DPYSL5: variants seen among roughly 807,000 people sequenced by gnomAD.
The protein encoded by DPYSL5 is dihydropyrimidinase-related protein 5.
In DPYSL5, 9 loss-of-function variants were observed where a neutral mutation model predicts 58.4. The observed-to-expected ratio is 0.15, with a 90% CI of 0.09 to 0.27. The LOEUF is 0.27. Ranked by LOEUF, DPYSL5 falls within the 10% of genes least tolerant of loss-of-function variation. The pLI, the probability that DPYSL5 is intolerant of heterozygous loss-of-function variation, is 1.00. For synonymous variants in DPYSL5, 293 were observed against 301.9 expected, an observed-to-expected ratio of 0.97 and a Z score of 0.31; for missense variants, 499 against 770.6, an observed-to-expected ratio of 0.65 and a Z score of 4.17.
intron 3 of DPYSL5, among the ~76,000 whole-genome samples, chr2:26,926,132 T>C (rs1462874251): frequency 6.6e-6 from 1 of 152,254 alleles, no homozygotes; most frequent in African/African-American, 2.4e-5. Flanking sequence ...TCTCAGATGA[T>C]AACCTAAAGC....
At chr2:26,872,151 A>T (rs1451989045) in intron 1 of DPYSL5, among the ~76,000 whole-genome samples, 1 of 152,182 alleles carries the variant, frequency 6.6e-6, no homozygotes, top group East Asian at 1.9e-4. Context: ...CGTGTTCTAA[A>T]CTTTGGAGCA....
At chr2:26,871,275 T>C (rs146307161) in intron 1 of DPYSL5, among the ~76,000 whole-genome samples, 92 of 152,324 alleles carry the variant, frequency 6.0e-4, no homozygotes, top group African/African-American at 2.1e-3. Flanking sequence ...TGCTTACTTA[T>C]CCCTTCCCAT....
At chr2:26,932,123 G>GAGAA (rs1237858790) in intron 6 of DPYSL5, among the ~76,000 whole-genome samples, 2 of 106,076 alleles carry the variant, frequency 1.9e-5, no homozygotes, top group East Asian at 2.5e-4. Context: ...AAAAAAGAAA[G>GAGAA]AGAAAGAAAG....
chr2:26,946,975 A>C lies in DPYSL5; in HGVS notation c.1675A>C (p.Arg559=), dbSNP rs1665503749. The change falls in exon 13 of 13, where the codon AGG becomes CGG. Residue 559 remains arginine, a synonymous_variant. Transcript: ENST00000288699. ...SARILAPPGG[R]SSGIW ...TCGGATCCTCGCTCCTCCCGGAGGC[A>C]GGTCGAGTGGCATTTGGTAAAGGCA... is the stretch of plus-strand genomic sequence containing the variant. 1 of 1,613,558 alleles carries C rather than the reference A, an allele frequency of 6.2e-7. No homozygotes were observed. Among genetic ancestry groups the C allele is most frequent in the African/African-American group, 1.3e-5 (1 of 74,928 alleles).
In DPYSL5 at chr2:26,944,766, G is replaced by A. The variant is rs377267408; in HGVS notation, c.1551G>A (p.Arg517=). 2 of 1,614,112 alleles carry A rather than the reference G, an allele frequency of 1.2e-6. No individual in the cohort carries two copies. The highest frequency in any genetic ancestry group is 1.7e-6 in the Non-Finnish European group (2 of 1,180,008). The change falls in exon 12 of 13, where the codon CGG becomes CGA. Residue 517 remains arginine (R), a synonymous_variant. Transcript: ENST00000288699. This position sits in a 1 kb window ranked among gnomAD's most constrained non-coding sequence, Gnocchi z 4.4. ...CCCCACTCGCAGACACTCCTACCCG[G>A]CCCGTCACCCGGCATGGGGGCATGA... The part of the protein sequence containing the change: ...MGTPLADTPT[R]PVTRHGGMRD...
intron 1 of DPYSL5, among the ~76,000 whole-genome samples, chr2:26,879,426 G>C (rs1663497406): frequency 7.2e-6 from 1 of 138,472 alleles, no homozygotes; most frequent in African/African-American, 2.8e-5. Context: ...TTTGAGACCA[G>C]CCTGGACAGC....
intron 1 of DPYSL5, among the ~76,000 whole-genome samples, chr2:26,868,725 A>G (rs995748122): frequency 1.3e-5 from 2 of 152,164 alleles, no homozygotes; most frequent in Non-Finnish European, 2.9e-5. Flanking sequence ...GCATATTGTA[A>G]TATCTACTAA....
chr2:26,888,263 T>TTCTTTCTTTCTTTCTG (rs1553316449), intron 1 of DPYSL5, among the ~76,000 whole-genome samples: 1 of 130,760 alleles, frequency 7.6e-6, no homozygotes, highest in Non-Finnish European at 1.7e-5. Flanking sequence ...CTTTCTTTCT[T>TTCTTTCTTTCTTTCTG]TCTGTCTTTC....
chr2:26,867,076 C>T (rs1228451465), intron 1 of DPYSL5, among the ~76,000 whole-genome samples: 1 of 152,090 alleles, frequency 6.6e-6, no homozygotes, highest in Non-Finnish European at 1.5e-5. Flanking sequence ...TCCTACTAAA[C>T]ACCACCCGTT....
At chr2:26,932,075 AAGAAAGAAAAGAAAAAAGAAAG>A (rs1665012157) in intron 6 of DPYSL5, among the ~76,000 whole-genome samples, 1 of 111,008 alleles carries the variant, frequency 9.0e-6, no homozygotes, top group African/African-American at 3.5e-5. Context: ...GAAAGAAAGA[AAGAAAGAAAAGAAAAAAGAAAG>A]AGAAAGAAAG....
intron 1 of DPYSL5, among the ~76,000 whole-genome samples, chr2:26,858,319 G>T (rs908937833): frequency 1.3e-5 from 2 of 151,524 alleles, no homozygotes; most frequent in Non-Finnish European, 2.9e-5. Context: ...CTACAGGCAC[G>T]CGCCACCAAG....
Position 26,933,247 on chromosome 2 carries a change from C to T in DPYSL5, c.715-11C>T. On this transcript the variant is annotated splice_polypyrimidine_tract_variant and intron_variant, in intron 6 of 12. Coordinates refer to ENST00000288699, the MANE Select transcript of DPYSL5 (RefSeq NM_020134.4). The surrounding 1 kb of genome is among the most constrained non-coding windows in gnomAD (Gnocchi z 4.2). Reference sequence around the variant, plus strand: ...CAACCCTCCCTACTTCCCACTGTTTCTTGTGTTTAGACTCACTGTCCAATC... The same window carrying T: ...CAACCCTCCCTACTTCCCACTGTTTTTTGTGTTTAGACTCACTGTCCAATC... The T allele has an allele frequency of 6.2e-7, 1 of 1,613,854 alleles. No individual in the cohort carries two copies. Among genetic ancestry groups the T allele is most frequent in the Non-Finnish European group, 8.5e-7 (1 of 1,179,740 alleles).
At chr2:26,896,425 T>C (rs1355715517) in intron 1 of DPYSL5, among the ~76,000 whole-genome samples, 7 of 152,224 alleles carry the variant, frequency 4.6e-5, no homozygotes, top group Non-Finnish European at 1.0e-4. Context: ...CTGGACCATA[T>C]AGTAGTTCTA....
chr2:26,933,346 A>G lies in DPYSL5; in HGVS notation c.790+13A>G. On this transcript the variant is annotated intron_variant, in intron 7 of 12. Coordinates refer to ENST00000288699, the MANE Select transcript of DPYSL5 (RefSeq NM_020134.4). The surrounding 1 kb of genome is among the most constrained non-coding windows in gnomAD (Gnocchi z 4.2). Reference sequence around the variant, plus strand: ...GCTAAGATGCAAGGTGAGTCCATAGACTTGGCTGGACAGAGCAGGTCAAGT... The same window carrying G: ...GCTAAGATGCAAGGTGAGTCCATAGGCTTGGCTGGACAGAGCAGGTCAAGT... The G allele has an allele frequency of 1.2e-6, 2 of 1,612,996 alleles. No individual in the cohort carries two copies. Among genetic ancestry groups the G allele is most frequent in the Non-Finnish European group, 8.5e-7 (1 of 1,179,312 alleles).
At chr2:26,869,069 A>G (rs1457828871) in intron 1 of DPYSL5, among the ~76,000 whole-genome samples, 1 of 152,136 alleles carries the variant, frequency 6.6e-6, no homozygotes, top group Admixed American at 6.5e-5. Flanking sequence ...GGCTCAAGCG[A>G]TCCTCCTACC....
In DPYSL5 at chr2:26,927,574, T is replaced by A; in HGVS notation, c.600+142T>A. On this transcript the variant is annotated intron_variant, in intron 4 of 12. Transcript: ENST00000288699. The surrounding 1 kb of genome is among the most constrained non-coding windows in gnomAD (Gnocchi z 4.3). Reference sequence around the variant, plus strand: ...AAGTGTGAGGTGTGGACACCCCAGCTGTCAGATCTTGGTCAGAAAATCCAA... The same window carrying A: ...AAGTGTGAGGTGTGGACACCCCAGCAGTCAGATCTTGGTCAGAAAATCCAA... The A allele has an allele frequency of 9.7e-7, 1 of 1,031,218 alleles. No individual in the cohort carries two copies. Among genetic ancestry groups the A allele is most frequent in the Non-Finnish European group, 1.4e-6 (1 of 738,828 alleles). 63.9% of individuals were successfully genotyped at this position (1,031,218 alleles called of 1,614,324 possible).
intron 2 of DPYSL5, among the ~76,000 whole-genome samples, chr2:26,918,636 C>T (rs9309558): frequency 0.4 from 60,191 of 152,020 alleles, 12,334 homozygotes; most frequent in Admixed American, 0.54. Context: ...CATGTTTGCA[C>T]TGTGCTTACC....
At chr2:26,901,555 A>G (rs1664155283) in intron 2 of DPYSL5, among the ~76,000 whole-genome samples, 2 of 152,190 alleles carry the variant, frequency 1.3e-5, no homozygotes, top group African/African-American at 2.4e-5. Context: ...GCACCCATGC[A>G]GAGGCCGCGC....
chr2:26,901,743 C>T (rs1489653382), intron 2 of DPYSL5, among the ~76,000 whole-genome samples: 4 of 152,080 alleles, frequency 2.6e-5, no homozygotes, highest in Non-Finnish European at 5.9e-5. Context: ...ATAGCGGGGC[C>T]CTGAACCCTG....
Sources: gnomAD v4.1 joint callset for allele counts (sites outside exome capture counted in the v4.1 genomes callset) on GRCh38, gnomAD v4.1.1 for gene constraint, Gnocchi (gnomAD v3.1) non-coding constraint, MANE v1.5 for transcripts, NCBI Gene and HGNC (gene_info 2026-07-23, HGNC 2026-07-21) for gene names.